Variants in DSCAM observed in about 807,000 individuals in gnomAD.
DSCAM encodes DS cell adhesion molecule.
In DSCAM, 47 loss-of-function variants were observed where a neutral mutation model predicts 217.7. That is an observed-to-expected ratio of 0.22 (90% CI 0.17 to 0.28). DSCAM has a LOEUF of 0.28. Ranked by LOEUF, DSCAM falls within the 10% of genes least tolerant of loss-of-function variation. The pLI is 1.00. For missense variants in DSCAM, 2,080 were observed against 2,618.3 expected (o/e 0.79, Z 4.49); for synonymous variants, 1,056 against 1,015.3 (o/e 1.04, Z -0.76).
chr21:40,672,716 T>C (rs1207048897), intron 3 of DSCAM, among the ~76,000 whole-genome samples: 2 of 152,148 alleles, frequency 1.3e-5, no homozygotes, highest in African/African-American at 4.8e-5. Context: ...CCTTAAATAA[T>C]AGAGTTTCCA....
rs1176760835 is a variant in DSCAM, at chr21:40,024,129, CT to C, written c.5687-10744del. The stretch of plus-strand genomic sequence containing the variant: ...AGCACCATTTATTAAATAGGGAATC[CT>C]TTCCCCATTGCTTGTTTTTTCTCAG... On this transcript the variant is annotated intron_variant, in intron 32 of 32. Coordinates refer to ENST00000400454, the MANE Select transcript of DSCAM (RefSeq NM_001389.5). Among the ~76,000 whole-genome samples the C allele has an allele frequency of 2.7e-5, 2 of 73,820 alleles. 1 individual carries two copies. Among genetic ancestry groups the C allele is most frequent in the African/African-American group, 1.1e-4 (2 of 18,804 alleles). 48.4% of individuals were successfully genotyped at this position (73,820 alleles called of 152,430 possible).
intron 1 of DSCAM, among the ~76,000 whole-genome samples, chr21:40,802,284 A>G (rs1031386119): frequency 2.0e-5 from 3 of 152,190 alleles, no homozygotes; most frequent in African/African-American, 7.2e-5. Context: ...CTTTTTGCCT[A>G]TTTATCACTT....
chr21:40,293,533 C>T (rs2123439266), intron 10 of DSCAM, among the ~76,000 whole-genome samples: 1 of 152,254 alleles, frequency 6.6e-6, no homozygotes, highest in Middle Eastern at 3.4e-3. Flanking sequence ...TGGCTGAACT[C>T]AATCTTAACT....
chr21:40,271,342 A>G (rs971952915), intron 11 of DSCAM, among the ~76,000 whole-genome samples: 1 of 152,196 alleles, frequency 6.6e-6, no homozygotes, highest in Admixed American at 6.5e-5. Flanking sequence ...TTTGTCCTGC[A>G]TGCAGGGATC....
chr21:40,047,987 T>TATC (rs2088869523), intron 30 of DSCAM, among the ~76,000 whole-genome samples: 2 of 152,222 alleles, frequency 1.3e-5, no homozygotes, highest in Non-Finnish European at 2.9e-5. Flanking sequence ...CTATATGTAG[T>TATC]ATCTCTACCT....
chr21:40,768,844 T>C (rs1464123345), intron 1 of DSCAM, among the ~76,000 whole-genome samples: 1 of 152,108 alleles, frequency 6.6e-6, no homozygotes, highest in Admixed American at 6.5e-5. Context: ...GGATATAGCA[T>C]AGGGGTATGG....
rs2075663032 is a variant in DSCAM, at chr21:40,445,005, TG to T, written c.509-75761del. Among the ~76,000 whole-genome samples, 6 of 152,318 alleles carry T rather than the reference TG, an allele frequency of 3.9e-5. No individual in the cohort carries two copies. In the East Asian group the frequency reaches 7.7e-4, roughly 20 times the overall value. On this transcript the variant is annotated intron_variant, in intron 3 of 32. Transcript: ENST00000400454. ...TATAACAAAATATGGTTCTGGAGCC[TG>T]GGGAATCTAAGAATAAGGCCCCAGG... is the stretch of plus-strand genomic sequence containing the variant.
At chr21:40,719,559 G>T (rs986846987) in intron 1 of DSCAM, among the ~76,000 whole-genome samples, 1 of 152,128 alleles carries the variant, frequency 6.6e-6, no homozygotes, top group Admixed American at 6.5e-5. Flanking sequence ...ACCAAATATC[G>T]ATCAATAATA....
intron 11 of DSCAM, among the ~76,000 whole-genome samples, chr21:40,233,167 C>T (rs533033500): frequency 2.0e-4 from 31 of 151,994 alleles, no homozygotes; most frequent in Admixed American, 1.5e-3. Context: ...CATGTACTCC[C>T]GAACCTAAAA....
At chr21:40,134,318 C>T (rs2090185341) in intron 18 of DSCAM, among the ~76,000 whole-genome samples, 1 of 152,152 alleles carries the variant, frequency 6.6e-6, no homozygotes, top group South Asian at 2.1e-4. Context: ...TGCCACTCAC[C>T]CTTCAGCAGG....
chr21:40,295,787 C>T (rs67184866), intron 10 of DSCAM, among the ~76,000 whole-genome samples: 10,191 of 151,878 alleles, frequency 0.067, 403 homozygotes, highest in East Asian at 0.11. Flanking sequence ...GTAGGACTTC[C>T]TAAGTGCTGA....
At chr21:40,167,370 G>A (rs530177744) in intron 15 of DSCAM, 82 bp from the exon 16 acceptor site, 35 of 1,207,528 alleles carry the variant, frequency 2.9e-5, no homozygotes, top group East Asian at 2.1e-4. Flanking sequence ...GGTGGTCCCC[G>A]AGGACAACCC....
At chr21:40,307,749 A>T (rs369862726) in intron 9 of DSCAM, among the ~76,000 whole-genome samples, 1 of 152,204 alleles carries the variant, frequency 6.6e-6, no homozygotes, top group South Asian at 2.1e-4. Flanking sequence ...AATACTATGC[A>T]GCCATAAAAA....
chr21:40,302,424 C>T (rs1435848781), intron 9 of DSCAM, among the ~76,000 whole-genome samples: 1 of 152,180 alleles, frequency 6.6e-6, no homozygotes, highest in Non-Finnish European at 1.5e-5. Context: ...CACCTCCCAG[C>T]CACCTGTGGA....
chr21:40,251,973 G>A (rs1464796697), intron 11 of DSCAM, among the ~76,000 whole-genome samples: 1 of 152,162 alleles, frequency 6.6e-6, no homozygotes, highest in Non-Finnish European at 1.5e-5. Context: ...CAAAGAGTAA[G>A]TGAGGCCACA....
chr21:40,617,759 T>A (rs750787298), intron 3 of DSCAM, among the ~76,000 whole-genome samples: 3 of 152,228 alleles, frequency 2.0e-5, no homozygotes, highest in African/African-American at 4.8e-5. Context: ...TGTGCTCAGT[T>A]GAGGAGCACT....
intron 1 of DSCAM, among the ~76,000 whole-genome samples, chr21:40,744,179 A>G (rs1487809867): frequency 6.6e-6 from 1 of 152,148 alleles, no homozygotes; most frequent in Non-Finnish European, 1.5e-5. Flanking sequence ...TCTTCATGGG[A>G]AGCCCACTCA....
intron 3 of DSCAM, among the ~76,000 whole-genome samples, chr21:40,408,111 G>A (rs2075293938): frequency 1.3e-5 from 2 of 151,664 alleles, no homozygotes; most frequent in African/African-American, 4.8e-5. Context: ...GTTGCTACAA[G>A]GAGGCACAGA....
chr21:40,301,084 G>T (rs1311800009), intron 9 of DSCAM, among the ~76,000 whole-genome samples: 2 of 152,066 alleles, frequency 1.3e-5, no homozygotes, highest in Non-Finnish European at 2.9e-5. Flanking sequence ...AGCCAATTCT[G>T]TGCCTCACAC....
Sources: gnomAD v4.1 joint callset for allele counts (sites outside exome capture counted in the v4.1 genomes callset) on GRCh38, gnomAD v4.1.1 for gene constraint, MANE v1.5 for transcripts, NCBI Gene and HGNC (gene_info 2026-07-23, HGNC 2026-07-21) for gene names.